GATAD2A: variants seen among roughly 807,000 people sequenced by gnomAD.
GATAD2A encodes the protein GATA zinc finger domain containing 2A, also known as transcriptional repressor p66-alpha.
GATAD2A carries 12 observed loss-of-function variants against 68.5 expected under a neutral mutation model. The ratio of observed to expected loss-of-function variants is 0.18; its 90% CI spans 0.11 to 0.28. The LOEUF is 0.28. Ranked by LOEUF, GATAD2A falls within the 10% of genes least tolerant of loss-of-function variation. The pLI, the probability that GATAD2A is intolerant of heterozygous loss-of-function variation, is 1.00. For synonymous variants in GATAD2A, 410 were observed against 375.3 expected (o/e 1.09, Z -1.07); for missense variants, 755 against 868.5 (o/e 0.87, Z 1.64).
Position 19,440,315 on chromosome 19 carries a change from G to T in GATAD2A, c.-6-25025G>T, listed in dbSNP as rs768984303. The T allele has an allele frequency of 2.4e-5, 5 of 208,924 alleles. No homozygotes were observed. In the South Asian group the frequency reaches 3.8e-4, roughly 16 times the overall value. The allele number at this position is 208,924 out of a possible 1,614,324, so 12.9% of individuals were successfully genotyped here. A position where few individuals can be genotyped will look rare whatever the true frequency, so the allele number is the denominator to read the frequency against. On this transcript the variant is annotated intron_variant, in intron 1 of 11. Coordinates refer to ENST00000683918, the MANE Select transcript of GATAD2A (RefSeq NM_001384528.1). ...AGATGGAGTCTTGCTCTGTCGCCCA[G>T]GCTGGAGTGGAGTGGCGCGATCTCA...
chr19:19,449,928 C>T lies in GATAD2A; in HGVS notation c.-6-15412C>T, dbSNP rs934199620. Among the ~76,000 whole-genome samples, 9 of 151,444 alleles carry T rather than the reference C, an allele frequency of 5.9e-5. No individual in the cohort carries two copies. In the East Asian group the frequency reaches 1.7e-3, roughly 29 times the overall value. ...CAGAGGTGCCTTTTCTTTTTACTTCCTTCATTGTTTTATTTATTTATCTTA... is the reference window on the plus strand; with the variant it reads ...CAGAGGTGCCTTTTCTTTTTACTTCTTTCATTGTTTTATTTATTTATCTTA... On this transcript the variant is annotated intron_variant, in intron 1 of 11. Transcript: ENST00000683918.
chr19:19,430,896 TTG>T (rs1158931802), intron 1 of GATAD2A, among the ~76,000 whole-genome samples: 1 of 152,028 alleles, frequency 6.6e-6, no homozygotes, highest in Non-Finnish European at 1.5e-5. Context: ...TTCATGTAAA[TTG>T]CCATAGCTAC....
At chr19:19,387,850 C>T (rs1191485684) in intron 1 of GATAD2A, among the ~76,000 whole-genome samples, 1 of 152,128 alleles carries the variant, frequency 6.6e-6, no homozygotes, top group Admixed American at 6.5e-5. Context: ...CTGTAGGCTC[C>T]TCACATCTCT....
intron 8 of GATAD2A, among the ~76,000 whole-genome samples, 178 bp from the exon 9 acceptor site, chr19:19,500,940 T>C (rs1195034154): frequency 1.3e-5 from 2 of 152,200 alleles, no homozygotes; most frequent in East Asian, 3.9e-4. Context: ...AGGCCGACGT[T>C]TTCTGAAGCT....
At chr19:19,451,674 T>C (rs989744309) in intron 1 of GATAD2A, among the ~76,000 whole-genome samples, 3 of 152,254 alleles carry the variant, frequency 2.0e-5, no homozygotes, top group Admixed American at 6.5e-5. Context: ...TCAGCAGGGC[T>C]CTGGGCTCCT....
intron 1 of GATAD2A, among the ~76,000 whole-genome samples, chr19:19,408,505 C>A (rs1207418127): frequency 6.6e-6 from 1 of 151,922 alleles, no homozygotes. Flanking sequence ...TTTTAGAAAA[C>A]TTTTTAGTGT....
At chr19:19,386,152 A>C (rs563311551) in intron 1 of GATAD2A, 1 of 152,436 alleles carries the variant, frequency 6.6e-6, no homozygotes, top group Non-Finnish European at 1.5e-5. Flanking sequence ...AGTAAGGGGC[A>C]GGCGCCGCTG....
At chr19:19,412,236 A>G (rs1197598383) in intron 1 of GATAD2A, among the ~76,000 whole-genome samples, 1 of 151,356 alleles carries the variant, frequency 6.6e-6, no homozygotes, top group East Asian at 2.0e-4. Context: ...GCTCACTGCA[A>G]GCTCCGCCTC....
chr19:19,455,132 A>C (rs1161694470), intron 1 of GATAD2A, among the ~76,000 whole-genome samples: 1 of 151,996 alleles, frequency 6.6e-6, no homozygotes, highest in Non-Finnish European at 1.5e-5. Flanking sequence ...AGGCAGGAGG[A>C]TCTCTTGAGC....
chr19:19,466,702 G>A (rs146294176), intron 2 of GATAD2A, among the ~76,000 whole-genome samples: 1 of 152,352 alleles, frequency 6.6e-6, no homozygotes, highest in African/African-American at 2.4e-5. Context: ...AAGCCTCCTA[G>A]TCTGAGGAAA....
intron 2 of GATAD2A, among the ~76,000 whole-genome samples, chr19:19,483,781 A>ATTT (rs540958459): frequency 8.5e-5 from 11 of 130,020 alleles, no homozygotes; most frequent in African/African-American, 2.7e-4. Flanking sequence ...TACCCGGCTA[A>ATTT]TTTTTTTTTT....
intron 1 of GATAD2A, among the ~76,000 whole-genome samples, chr19:19,412,084 C>T (rs1177135544): frequency 4.7e-5 from 7 of 149,542 alleles, no homozygotes; most frequent in Admixed American, 4.6e-4. Flanking sequence ...CTCTCTCTCT[C>T]TCTCTTTTTT....
At chr19:19,486,835 C>T (rs975340490) in intron 2 of GATAD2A, among the ~76,000 whole-genome samples, 8 of 152,198 alleles carry the variant, frequency 5.3e-5, no homozygotes, top group South Asian at 2.1e-4. Context: ...TGAGAGGCTG[C>T]GGGACAGGGA....
intron 2 of GATAD2A, among the ~76,000 whole-genome samples, chr19:19,480,682 G>A (rs901396488): frequency 3.3e-5 from 5 of 152,326 alleles, no homozygotes; most frequent in Admixed American, 3.3e-4. Context: ...AAGAAACTTG[G>A]CCTCATTGAG....
chr19:19,467,300 T>C (rs1437303331), intron 2 of GATAD2A, among the ~76,000 whole-genome samples: 1 of 152,070 alleles, frequency 6.6e-6, no homozygotes, highest in Non-Finnish European at 1.5e-5. Flanking sequence ...GGTGTGAACC[T>C]GGGAGGCGGA....
chr19:19,399,804 T>G (rs2049570276), intron 1 of GATAD2A, among the ~76,000 whole-genome samples: 1 of 152,108 alleles, frequency 6.6e-6, no homozygotes, highest in South Asian at 2.1e-4. Context: ...GGGAGGAATG[T>G]TTTCCTAAGT....
intron 10 of GATAD2A, 33 bp downstream of exon 10, chr19:19,502,076 G>A (rs760613316): frequency 1.9e-5 from 29 of 1,514,574 alleles, no homozygotes; most frequent in Non-Finnish European, 2.4e-5. Context: ...GGAGCCTCGC[G>A]CCCCCACCGC....
Position 19,506,404 on chromosome 19 carries a change from T to A in GATAD2A, c.*930T>A. The A allele has an allele frequency of 2.7e-6, 1 of 368,918 alleles. No individual in the cohort carries two copies. The highest frequency in any genetic ancestry group is 4.8e-6 in the Non-Finnish European group (1 of 208,722). 22.9% of individuals were successfully genotyped at this position (368,918 alleles called of 1,614,324 possible). ...CTGTTGTGGTTTATTTTATTAAATTTTTTCCTTTTTTCTATTCATTTCGAT... is the reference window on the plus strand; with the variant it reads ...CTGTTGTGGTTTATTTTATTAAATTATTTCCTTTTTTCTATTCATTTCGAT... On this transcript the variant is annotated 3_prime_UTR_variant, in exon 12 of 12. Transcript: ENST00000683918.
intron 7 of GATAD2A, 63 bp from the exon 8 acceptor site, chr19:19,498,380 G>A (rs957090864): frequency 7.1e-5 from 106 of 1,501,408 alleles, no homozygotes; most frequent in Admixed American, 3.3e-4. Flanking sequence ...GCTTCGGGGC[G>A]CTGGGGAGCC....
Sources: allele counts gnomAD v4.1 joint callset (sites outside exome capture counted in the v4.1 genomes callset), GRCh38; gene constraint gnomAD v4.1.1; transcripts MANE v1.5; gene names NCBI Gene and HGNC (gene_info 2026-07-23, HGNC 2026-07-21).